The following GRXCR1 variants were observed in gnomAD, a reference collection of about 807,000 sequenced individuals.
The protein encoded by GRXCR1 is glutaredoxin domain-containing cysteine-rich protein 1.
A neutral mutation model predicts 27.3 loss-of-function variants in GRXCR1; 27 were observed. That is an observed-to-expected ratio of 0.99 (90% CI 0.73 to 1.37). The LOEUF is 1.37. GRXCR1 is among the 40% of genes most tolerant of loss of function. GRXCR1 has a pLI of 0.00. For synonymous variants in GRXCR1, 122 were observed against 131.1 expected (o/e 0.93, Z 0.47); for missense variants, 379 against 354.4 (o/e 1.07, Z -0.56).
At chr4:42,951,492 A>G (rs963934756) in intron 1 of GRXCR1, among the ~76,000 whole-genome samples, 2 of 152,198 alleles carry the variant, frequency 1.3e-5, no homozygotes, top group African/African-American at 4.8e-5. Flanking sequence ...GTTTGACTCA[A>G]ATAATTAAAC....
intron 1 of GRXCR1, among the ~76,000 whole-genome samples, chr4:42,935,498 G>A (rs1312799731): frequency 6.6e-6 from 1 of 151,834 alleles, no homozygotes; most frequent in East Asian, 1.9e-4. Flanking sequence ...GCTAGGCTTG[G>A]AAAGATGGGT....
intron 2 of GRXCR1, among the ~76,000 whole-genome samples, chr4:42,998,167 G>A (rs1712236086): frequency 6.6e-6 from 1 of 152,124 alleles, no homozygotes; most frequent in African/African-American, 2.4e-5. Flanking sequence ...AGATGATAGA[G>A]CAAAGTTTAA....
Position 43,030,541 on chromosome 4 carries a change from T to C in GRXCR1, c.*1T>C, listed in dbSNP as rs1713394860. ...GCGTTGTAAGAACTGTGCTGGTTAA[T>C]TGGAGCTTCTACCCAGGAAAAACCT... On this transcript the variant is annotated 3_prime_UTR_variant, in exon 4 of 4. Transcript: ENST00000399770. 1.2e-5 allele frequency: 20 copies of C among 1,613,550 alleles called. No homozygotes were observed. The highest frequency in any genetic ancestry group is 4.5e-5 in the East Asian group (2 of 44,884).
chr4:42,981,491 T>G (rs988584124), intron 2 of GRXCR1, among the ~76,000 whole-genome samples: 12 of 152,204 alleles, frequency 7.9e-5, no homozygotes, highest in Non-Finnish European at 1.3e-4. Context: ...ACCATTACGG[T>G]ATTAGAATAT....
chr4:42,973,026 C>T lies in GRXCR1; in HGVS notation c.627+9892C>T, dbSNP rs181242574. Among the ~76,000 whole-genome samples, 9 of 152,236 alleles carry T rather than the reference C, an allele frequency of 5.9e-5. 1 individual carries two copies. Among genetic ancestry groups the T allele is most frequent in the Admixed American group, 5.2e-4 (8 of 15,282 alleles). On this transcript the variant is annotated intron_variant, in intron 2 of 3. Transcript: ENST00000399770. The stretch of plus-strand genomic sequence containing the variant: ...ATCATTGGCATTTTTAATCTTTACT[C>T]CTTTACAATTTCTCTTAGCTTATAG...
chr4:42,998,867 TA>T (rs1304009847), intron 2 of GRXCR1, among the ~76,000 whole-genome samples: 1 of 152,218 alleles, frequency 6.6e-6, no homozygotes, highest in Non-Finnish European at 1.5e-5. Flanking sequence ...GAGTTTACTT[TA>T]AAAAATGATT....
At chr4:42,909,745 C>T (rs1443750985) in intron 1 of GRXCR1, among the ~76,000 whole-genome samples, 3 of 152,146 alleles carry the variant, frequency 2.0e-5, no homozygotes, top group East Asian at 1.9e-4. Flanking sequence ...AATTGTAACT[C>T]TGATCATGTT....
chr4:42,994,047 G>A (rs555864155), intron 2 of GRXCR1, among the ~76,000 whole-genome samples: 53 of 152,222 alleles, frequency 3.5e-4, no homozygotes, highest in Admixed American at 1.1e-3. Context: ...TTATAGGATC[G>A]TAGCAAGAGT....
chr4:42,907,499 T>A (rs1746623481), intron 1 of GRXCR1, among the ~76,000 whole-genome samples: 1 of 152,148 alleles, frequency 6.6e-6, no homozygotes, highest in Non-Finnish European at 1.5e-5. Flanking sequence ...GCTCACATGG[T>A]TGCACTGTAT....
At chr4:42,985,205 G>A (rs1042472225) in intron 2 of GRXCR1, among the ~76,000 whole-genome samples, 8 of 152,174 alleles carry the variant, frequency 5.3e-5, no homozygotes, top group African/African-American at 7.2e-5. Flanking sequence ...GGCAATCACC[G>A]GAAAGTCCTC....
intron 2 of GRXCR1, among the ~76,000 whole-genome samples, chr4:42,970,533 G>A (rs905093160): frequency 3.3e-5 from 5 of 152,156 alleles, no homozygotes; most frequent in Admixed American, 2.0e-4. Flanking sequence ...AAGGCTTGGG[G>A]CTTGCACCCT....
intron 2 of GRXCR1, among the ~76,000 whole-genome samples, chr4:43,004,602 T>A (rs997622754): frequency 6.6e-6 from 1 of 152,198 alleles, no homozygotes; most frequent in African/African-American, 2.4e-5. Context: ...ACCCTTTGCA[T>A]CAGTGTGCCC....
chr4:42,942,551 A>C (rs965621179), intron 1 of GRXCR1, among the ~76,000 whole-genome samples: 2 of 152,094 alleles, frequency 1.3e-5, no homozygotes, highest in African/African-American at 2.4e-5. Context: ...GCAGTTTGAA[A>C]ATTCAGTCTT....
intron 1 of GRXCR1, among the ~76,000 whole-genome samples, chr4:42,916,946 A>G (rs1391918059): frequency 6.6e-6 from 1 of 152,130 alleles, no homozygotes; most frequent in Non-Finnish European, 1.5e-5. Context: ...TCTCCAATAT[A>G]TACATATTGA....
intron 2 of GRXCR1, among the ~76,000 whole-genome samples, chr4:42,975,386 A>G (rs1352113219): frequency 6.6e-6 from 1 of 152,150 alleles, no homozygotes; most frequent in African/African-American, 2.4e-5. Flanking sequence ...TCTAAGATTT[A>G]GCAGGAATTA....
intron 2 of GRXCR1, among the ~76,000 whole-genome samples, chr4:42,996,725 G>A (rs914236542): frequency 6.6e-6 from 1 of 151,944 alleles, no homozygotes; most frequent in South Asian, 2.1e-4. Context: ...TTTTGAAGAT[G>A]ACTCTGTAGT....
chr4:42,996,133 A>G (rs1424587901), intron 2 of GRXCR1, among the ~76,000 whole-genome samples: 1 of 152,218 alleles, frequency 6.6e-6, no homozygotes, highest in East Asian at 1.9e-4. Context: ...TTTAAAGATG[A>G]AATTTAGAGG....
chr4:42,937,396 C>T (rs1039265768), intron 1 of GRXCR1, among the ~76,000 whole-genome samples: 4 of 151,538 alleles, frequency 2.6e-5, no homozygotes, highest in Admixed American at 2.0e-4. Context: ...AGCTCTGGTT[C>T]GTTTTATTGG....
chr4:42,945,454 T>C (rs1039633930), intron 1 of GRXCR1, among the ~76,000 whole-genome samples: 1 of 152,158 alleles, frequency 6.6e-6, no homozygotes, highest in Non-Finnish European at 1.5e-5. Context: ...TGCTTCTTCT[T>C]TCCTTCTTTT....
Sources: allele counts gnomAD v4.1 joint callset (sites outside exome capture counted in the v4.1 genomes callset), GRCh38; gene constraint gnomAD v4.1.1; transcripts MANE v1.5; gene names NCBI Gene and HGNC (gene_info 2026-07-23, HGNC 2026-07-21).